Variants in PTPRD observed in about 807,000 individuals in gnomAD.
The protein encoded by PTPRD is protein tyrosine phosphatase receptor type D, also known as receptor-type tyrosine-protein phosphatase delta.
PTPRD carries 34 observed loss-of-function variants against 214.5 expected under a neutral mutation model. The ratio of observed to expected loss-of-function variants is 0.16; its 90% confidence interval spans 0.12 to 0.21. The LOEUF (loss-of-function observed/expected upper bound fraction) is 0.21. Ranked by LOEUF, PTPRD falls within the 10% of genes least tolerant of loss-of-function variation. PTPRD has a pLI of 1.00. For synonymous variants in PTPRD, 1,128 were observed against 845.7 expected (o/e 1.33, Z -5.79); for missense variants, 2,545 against 2,398.7 (o/e 1.06, Z -1.27).
intron 4 of PTPRD, among the ~76,000 whole-genome samples, chr9:9,993,413 T>A (rs1271976082): frequency 6.6e-6 from 1 of 152,188 alleles, no homozygotes; most frequent in Non-Finnish European, 1.5e-5. Context: ...AAACATTCAT[T>A]AGTAGTTAAA....
chr9:10,263,574 A>G (rs1317327177), intron 3 of PTPRD, among the ~76,000 whole-genome samples: 2 of 152,118 alleles, frequency 1.3e-5, no homozygotes, highest in Non-Finnish European at 2.9e-5. Flanking sequence ...TGAACTTGAG[A>G]GAGATGATTT....
chr9:10,428,607 A>T (rs2098647502), intron 2 of PTPRD, among the ~76,000 whole-genome samples: 1 of 152,068 alleles, frequency 6.6e-6, no homozygotes, highest in Non-Finnish European at 1.5e-5. Context: ...CTCATGTCAC[A>T]TATAGGTTCA....
intron 11 of PTPRD, among the ~76,000 whole-genome samples, chr9:8,919,055 A>C (rs1424185099): frequency 6.6e-6 from 1 of 152,132 alleles, no homozygotes; most frequent in Non-Finnish European, 1.5e-5. Context: ...TTACCACTTT[A>C]TTATGCTCTT....
At chr9:9,917,521 T>C (rs562450408) in intron 5 of PTPRD, among the ~76,000 whole-genome samples, 1 of 149,352 alleles carries the variant, frequency 6.7e-6, no homozygotes, top group South Asian at 2.1e-4. Context: ...TCTTTAGAGT[T>C]AACACCAATT....
chr9:8,606,005 A>G (rs1296041548), intron 14 of PTPRD, among the ~76,000 whole-genome samples: 1 of 152,014 alleles, frequency 6.6e-6, no homozygotes, highest in Admixed American at 6.5e-5. Context: ...ATCGTATACT[A>G]TATCATCCTA....
At chr9:9,771,818 T>G (rs973397530) in intron 5 of PTPRD, among the ~76,000 whole-genome samples, 1 of 152,300 alleles carries the variant, frequency 6.6e-6, no homozygotes. Flanking sequence ...TTGTATCTGC[T>G]TAAACCAGAT....
intron 4 of PTPRD, among the ~76,000 whole-genome samples, chr9:9,993,637 G>T (rs2096024824): frequency 6.6e-6 from 1 of 152,146 alleles, no homozygotes; most frequent in Admixed American, 6.6e-5. Flanking sequence ...ACTTTGGAGA[G>T]GAAGCAGGGG....
intron 11 of PTPRD, among the ~76,000 whole-genome samples, chr9:8,937,224 A>C (rs917213241): frequency 1.3e-5 from 2 of 152,196 alleles, no homozygotes; most frequent in South Asian, 2.1e-4. Context: ...CCTGATGAGC[A>C]TCACAGGAGG....
intron 11 of PTPRD, among the ~76,000 whole-genome samples, chr9:8,854,313 T>G (rs1480492277): frequency 1.3e-5 from 2 of 152,128 alleles, no homozygotes; most frequent in East Asian, 3.9e-4. Flanking sequence ...TAAAGAAGGG[T>G]TGTTTTAAAA....
intron 7 of PTPRD, among the ~76,000 whole-genome samples, chr9:9,670,663 T>G (rs1271765024): frequency 6.6e-6 from 1 of 152,204 alleles, no homozygotes; most frequent in Admixed American, 6.5e-5. Context: ...GCGTCCCAGC[T>G]GTGCCTGCCA....
intron 11 of PTPRD, among the ~76,000 whole-genome samples, chr9:8,852,686 A>G (rs2097843943): frequency 6.6e-6 from 1 of 152,164 alleles, no homozygotes; most frequent in African/African-American, 2.4e-5. Context: ...TTTTTCATTT[A>G]GTTTACTTAT....
chr9:8,711,155 A>AC (rs36036585), intron 12 of PTPRD, among the ~76,000 whole-genome samples: 40,353 of 151,886 alleles, frequency 0.27, 5,821 homozygotes, highest in African/African-American at 0.37. Flanking sequence ...CACTGTAAGA[A>AC]TCACTACCAA....
rs546536625 is a variant in PTPRD at position 10,054,380 on chromosome 9, G to A, written c.-544-20590C>T. Among the ~76,000 whole-genome samples the A allele has an allele frequency of 2.0e-5, 3 of 152,156 alleles. No individual in the cohort carries two copies. In the East Asian group the frequency reaches 5.8e-4, roughly 29 times the overall value. Reference sequence around the variant, plus strand: ...TTTGCAAGATTTGTTTTTAAAGATGGGATTGCTAGGATATTAATATTTGCC... The same window carrying A: ...TTTGCAAGATTTGTTTTTAAAGATGAGATTGCTAGGATATTAATATTTGCC... On this transcript the variant is annotated intron_variant, in intron 3 of 45. Coordinates refer to ENST00000381196, the MANE Select transcript of PTPRD (RefSeq NM_002839.4).
At chr9:9,900,528 A>G (rs1048858771) in intron 5 of PTPRD, among the ~76,000 whole-genome samples, 4 of 152,104 alleles carry the variant, frequency 2.6e-5, no homozygotes, top group African/African-American at 7.2e-5. Context: ...TCACAAGCGC[A>G]AGTCTCTAAG....
chr9:8,335,920 T>G (rs1339914597), intron 43 of PTPRD, among the ~76,000 whole-genome samples: 1 of 151,556 alleles, frequency 6.6e-6, no homozygotes, highest in Non-Finnish European at 1.5e-5. Flanking sequence ...GTGAAGGACC[T>G]CTTCAAGGAG....
intron 8 of PTPRD, among the ~76,000 whole-genome samples, chr9:9,468,790 A>AT (rs1163083733): frequency 1.3e-5 from 2 of 152,124 alleles, no homozygotes; most frequent in African/African-American, 4.8e-5. Context: ...TTATAATTTT[A>AT]TTTTTATCAG....
intron 5 of PTPRD, among the ~76,000 whole-genome samples, chr9:9,806,897 A>G (rs1409891045): frequency 6.6e-6 from 1 of 152,108 alleles, no homozygotes; most frequent in African/African-American, 2.4e-5. Flanking sequence ...AACACACTGC[A>G]CTTGTGGCCC....
intron 8 of PTPRD, among the ~76,000 whole-genome samples, chr9:9,472,129 G>A (rs2094635001): frequency 6.6e-6 from 1 of 151,014 alleles, no homozygotes; most frequent in East Asian, 1.9e-4. Context: ...ATTACAAAAG[G>A]ACGTGTCTCA....
chr9:8,931,663 A>T (rs1257747126), intron 11 of PTPRD, among the ~76,000 whole-genome samples: 1 of 152,108 alleles, frequency 6.6e-6, no homozygotes, highest in Non-Finnish European at 1.5e-5. Flanking sequence ...ACGTATCACG[A>T]TGATGCATGT....
Sources: allele counts gnomAD v4.1 joint callset (sites outside exome capture counted in the v4.1 genomes callset), GRCh38; gene constraint gnomAD v4.1.1; transcripts MANE v1.5; gene names NCBI Gene and HGNC (gene_info 2026-07-23, HGNC 2026-07-21).